RBFOX1: variants seen among roughly 807,000 people sequenced by gnomAD.
RBFOX1 encodes the protein RNA binding protein fox-1 homolog 1.
A neutral mutation model predicts 57.7 loss-of-function variants in RBFOX1; 8 were observed. The observed-to-expected ratio is 0.14, with a 90% confidence interval of 0.08 to 0.25. RBFOX1 has a LOEUF of 0.25. RBFOX1 is among the 10% of genes least tolerant of loss of function. The probability of loss-of-function intolerance (pLI) is 1.00; values close to 1 mark genes in which losing one functional copy is unlikely to be tolerated. For missense variants in RBFOX1, 611 were observed against 548.5 expected (o/e 1.11, Z -1.14); for synonymous variants, 326 against 222.4 (o/e 1.47, Z -4.15).
chr16:5,363,286 C>A (rs2065607315), intron 1 of RBFOX1, among the ~76,000 whole-genome samples: 1 of 151,212 alleles, frequency 6.6e-6, no homozygotes, highest in Non-Finnish European at 1.5e-5. Context: ...CTCATGTGAT[C>A]CACCTTCCTT....
chr16:6,080,146 G>T (rs1365781463), intron 1 of RBFOX1, among the ~76,000 whole-genome samples: 1 of 152,192 alleles, frequency 6.6e-6, no homozygotes, highest in African/African-American at 2.4e-5. Context: ...TACTTGATGG[G>T]GAGAGGCAAG....
chr16:6,414,057 A>G (rs2093552324), intron 2 of RBFOX1, among the ~76,000 whole-genome samples: 1 of 152,196 alleles, frequency 6.6e-6, no homozygotes, highest in Admixed American at 6.5e-5. Context: ...GCAAGACCTC[A>G]GAGAGTGCCA....
intron 3 of RBFOX1, among the ~76,000 whole-genome samples, chr16:6,678,163 G>A (rs537793758): frequency 2.2e-4 from 33 of 152,194 alleles, no homozygotes; most frequent in African/African-American, 7.2e-4. Context: ...TCGCTCTGTC[G>A]CCCAGGCTGG....
At chr16:6,815,622 A>C (rs1011625992) in intron 3 of RBFOX1, among the ~76,000 whole-genome samples, 3 of 152,214 alleles carry the variant, frequency 2.0e-5, no homozygotes, top group African/African-American at 4.8e-5. Flanking sequence ...AACTTGAAGC[A>C]AATGAGTGAC....
intron 3 of RBFOX1, among the ~76,000 whole-genome samples, chr16:6,812,447 C>G (rs1642716399): frequency 6.6e-6 from 1 of 152,106 alleles, no homozygotes; most frequent in Non-Finnish European, 1.5e-5. Flanking sequence ...GATCTCGGCT[C>G]ATTGCAACCT....
At chr16:5,640,406 ACATGCACAC>A (rs997716262) in intron 3 of RBFOX1, among the ~76,000 whole-genome samples, 1 of 152,106 alleles carries the variant, frequency 6.6e-6, no homozygotes, top group African/African-American at 2.4e-5. Flanking sequence ...GCACATATAC[ACATGCACAC>A]CATGCACACA....
Position 6,035,655 on chromosome 16 carries a change from G to A in RBFOX1, c.-127+15663G>A, listed in dbSNP as rs146595409. On this transcript the variant is annotated intron_variant, in intron 1 of 15. Transcript: ENST00000550418. ...CATCAGCCCTCCCAGCTCCCTGCAC[G>A]TGGCAGACATTGATAATCAATTCTT... Among the ~76,000 whole-genome samples the A allele has an allele frequency of 1.1e-4, 16 of 152,248 alleles. No homozygotes were observed. The East Asian group carries it at 2.7e-3, about 26-fold the overall frequency.
At chr16:6,553,047 C>A (rs1049447248) in intron 2 of RBFOX1, among the ~76,000 whole-genome samples, 3 of 152,156 alleles carry the variant, frequency 2.0e-5, no homozygotes, top group Non-Finnish European at 2.9e-5. Flanking sequence ...TTTGACACTT[C>A]AGTGGCAGCA....
At chr16:5,974,472 T>C (rs1457814362) in intron 4 of RBFOX1, among the ~76,000 whole-genome samples, 1 of 151,540 alleles carries the variant, frequency 6.6e-6, no homozygotes, top group African/African-American at 2.4e-5. Flanking sequence ...TAGCTGGCCG[T>C]GGTGGTGTGC....
intron 1 of RBFOX1, among the ~76,000 whole-genome samples, chr16:5,423,686 T>C (rs509164): frequency 0.55 from 84,022 of 152,030 alleles, 23,774 homozygotes; most frequent in East Asian, 0.67. Context: ...TCTATCTTGC[T>C]GTCTGCTCTG....
chr16:5,347,123 C>G (rs571796567), intron 1 of RBFOX1, among the ~76,000 whole-genome samples: 3 of 152,178 alleles, frequency 2.0e-5, no homozygotes, highest in Non-Finnish European at 4.4e-5. Context: ...TGCTCATCCT[C>G]CTCCTGGCAC....
At chr16:7,501,260 A>G (rs921512235) in intron 4 of RBFOX1, among the ~76,000 whole-genome samples, 3 of 152,204 alleles carry the variant, frequency 2.0e-5, no homozygotes, top group Non-Finnish European at 4.4e-5. Context: ...CAAGCACTAG[A>G]GTTACTTCCA....
At chr16:6,685,442 A>ATTTTTTT (rs71145275) in intron 3 of RBFOX1, among the ~76,000 whole-genome samples, 1 of 125,672 alleles carries the variant, frequency 8.0e-6, no homozygotes. Context: ...TACCCAGCTA[A>ATTTTTTT]TTTTTTTTTT....
At chr16:6,930,292 A>T (rs2076291081) in intron 3 of RBFOX1, among the ~76,000 whole-genome samples, 2 of 152,202 alleles carry the variant, frequency 1.3e-5, no homozygotes, top group Admixed American at 1.3e-4. Context: ...TCTCCAAAAG[A>T]TATATACAAA....
chr16:6,714,912 G>C (rs559897190), intron 3 of RBFOX1, among the ~76,000 whole-genome samples: 29 of 152,188 alleles, frequency 1.9e-4, no homozygotes, highest in Non-Finnish European at 3.7e-4. Flanking sequence ...GAAGCTAAAA[G>C]TGGAGACAGA....
At chr16:6,280,408 T>G (rs2076252450) in intron 1 of RBFOX1, among the ~76,000 whole-genome samples, 2 of 152,198 alleles carry the variant, frequency 1.3e-5, no homozygotes, top group African/African-American at 4.8e-5. Context: ...AGCATTTATT[T>G]CTGGTACCTT....
intron 4 of RBFOX1, among the ~76,000 whole-genome samples, chr16:5,908,279 C>CAT (rs202003225): frequency 0.23 from 33,316 of 142,544 alleles, 4,789 homozygotes; most frequent in Middle Eastern, 0.42. Context: ...TATATACATA[C>CAT]ATATATATAC....
chr16:5,858,820 A>G (rs1014808970), intron 3 of RBFOX1, among the ~76,000 whole-genome samples: 3 of 152,320 alleles, frequency 2.0e-5, no homozygotes, highest in Non-Finnish European at 4.4e-5. Flanking sequence ...ACTTATGGTT[A>G]AAATTTAAGA....
intron 5 of RBFOX1, among the ~76,000 whole-genome samples, chr16:7,529,386 A>G (rs2079449430): frequency 6.6e-6 from 1 of 152,206 alleles, no homozygotes; most frequent in Non-Finnish European, 1.5e-5. Flanking sequence ...AGTTTTCTCC[A>G]TTAAGGTAGG....
Sources: allele counts gnomAD v4.1 joint callset (sites outside exome capture counted in the v4.1 genomes callset), GRCh38; gene constraint gnomAD v4.1.1; transcripts MANE v1.5; gene names NCBI Gene and HGNC (gene_info 2026-07-23, HGNC 2026-07-21).